The following ARL1 variants were observed in gnomAD, a reference collection of about 807,000 sequenced individuals.
ARL1 encodes ADP-ribosylation factor-like protein 1.
Under a neutral mutation model 30.1 loss-of-function variants are expected in ARL1, and 17 were observed. That is an observed-to-expected ratio of 0.56 (90% CI 0.39 to 0.85). The LOEUF is 0.85. Among genes scored for constraint, ARL1 ranks in the 40% least tolerant of loss-of-function variants. ARL1 has a pLI of 0.00. For synonymous variants in ARL1, 58 were observed against 71.7 expected, an observed-to-expected ratio of 0.81 and a Z score of 0.97; for missense variants, 102 against 212.6, an observed-to-expected ratio of 0.48 and a Z score of 3.24.
Position 101,407,749 on chromosome 12 carries a change from C to T in ARL1, c.-104G>A. ...AAGCCCAGTCAGCCAGCAACTTCCA[C>T]GTCGGACTCCAGGCGGGGGCGGGAG... On this transcript the variant is annotated 5_prime_UTR_variant, in exon 1 of 6. In the 5' UTR this introduces an upstream ATG that the reference lacks. Coordinates refer to ENST00000261636, the MANE Select transcript of ARL1 (RefSeq NM_001177.6). 6.5e-7 allele frequency: 1 copy of T among 1,540,226 alleles called. No homozygotes were observed. Among genetic ancestry groups the T allele is most frequent in the South Asian group, 1.1e-5 (1 of 89,634 alleles).
intron 2 of ARL1, among the ~76,000 whole-genome samples, chr12:101,405,050 T>C (rs1871401992): frequency 6.6e-6 from 1 of 152,164 alleles, no homozygotes; most frequent in Non-Finnish European, 1.5e-5. Flanking sequence ...TTTGTATTTT[T>C]AGTAGAGATG....
rs73378800 is a variant in ARL1 at position 101,400,762 on chromosome 12, T to C, written c.336+300A>G. Among the ~76,000 whole-genome samples, 496 of 152,302 alleles carry C rather than the reference T, an allele frequency of 3.3e-3. 5 individuals carry two copies. The highest frequency in any genetic ancestry group is 0.012 in the African/African-American group (483 of 41,574). Reference sequence around the variant, plus strand: ...TAAAACAGCTAAAAATAAAAAGACATATTTTAAAAGTCACATCAAAGAAGT... The same window carrying C: ...TAAAACAGCTAAAAATAAAAAGACACATTTTAAAAGTCACATCAAAGAAGT... On this transcript the variant is annotated intron_variant, in intron 4 of 5. Coordinates refer to ENST00000261636, the MANE Select transcript of ARL1 (RefSeq NM_001177.6).
Position 101,405,945 on chromosome 12 carries a change from CCAAA to C in ARL1, c.37_40del (p.Phe13GlufsTer5). 1 of 1,570,284 alleles carries C rather than the reference CCAAA, an allele frequency of 6.4e-7. No homozygotes were observed. Among genetic ancestry groups the C allele is most frequent in the Non-Finnish European group, 8.6e-7 (1 of 1,156,424 alleles). ...AATTAAAATTCTCATTTCCCGAGTTCCAAACAGACTGGAAAATATACTTGAGAAA... is the reference window on the plus strand; with the variant it reads ...AATTAAAATTCTCATTTCCCGAGTTCCAGACTGGAAAATATACTTGAGAAA... On this transcript the variant is annotated frameshift_variant, in exon 2 of 6. Coordinates refer to ENST00000261636, the MANE Select transcript of ARL1 (RefSeq NM_001177.6). LOFTEE classifies it high-confidence loss of function.
At chr12:101,396,814 A>G (rs1013184981) in intron 4 of ARL1, among the ~76,000 whole-genome samples, 1 of 152,174 alleles carries the variant, frequency 6.6e-6, no homozygotes, top group Non-Finnish European at 1.5e-5. Flanking sequence ...TGTTTTGCAG[A>G]TACTTCAGAG....
In ARL1 at chr12:101,405,955, T is replaced by C; in HGVS notation, c.31A>G (p.Ser11Gly). The change falls in exon 2 of 6, where the codon AGT (serine) becomes GGT (glycine). Residue 11 changes from serine (S) to glycine (G), a missense_variant. Ser to Gly is a moderately conservative substitution (Grantham distance 56). Transcript: ENST00000261636. MGGFFSSIFSSLFGTREMRIL... is the reference protein window; with the variant it reads MGGFFSSIFSGLFGTREMRIL... ...CTCATTTCCCGAGTTCCAAACAGAC[T>C]GGAAAATATACTTGAGAAAAAGCCA... 1 of 1,566,676 alleles carries C rather than the reference T, an allele frequency of 6.4e-7. No individual in the cohort carries two copies. The highest frequency in any genetic ancestry group is 8.7e-7 in the Non-Finnish European group (1 of 1,155,674).
At chr12:101,404,027 A>C (rs573400193) in intron 2 of ARL1, among the ~76,000 whole-genome samples, 67 of 152,332 alleles carry the variant, frequency 4.4e-4, no homozygotes, top group African/African-American at 1.5e-3. Flanking sequence ...TTTATATTTA[A>C]GTCTGCAGTG....
At chr12:101,399,015 A>G (rs999540665) in intron 4 of ARL1, among the ~76,000 whole-genome samples, 1 of 152,130 alleles carries the variant, frequency 6.6e-6, no homozygotes, top group African/African-American at 2.4e-5. Context: ...ACCTAAATAA[A>G]ACTGTTCTTT....
At chr12:101,401,249 G>A in intron 3 of ARL1, 76 bp from the exon 4 acceptor site, 1 of 923,544 alleles carries the variant, frequency 1.1e-6, no homozygotes, top group Non-Finnish European at 1.7e-6. Context: ...TGCCAATTCT[G>A]TCCCACACAT....
Position 101,407,726 on chromosome 12 carries a change from G to C in ARL1, c.-81C>G. ...CAGCTCCGAGGCGGTTTCCTCGCAA[G>C]CCCAGTCAGCCAGCAACTTCCACGT... is the stretch of plus-strand genomic sequence containing the variant. On this transcript the variant is annotated 5_prime_UTR_variant, in exon 1 of 6. Coordinates refer to ENST00000261636, the MANE Select transcript of ARL1 (RefSeq NM_001177.6). 1 of 1,598,164 alleles carries C rather than the reference G, an allele frequency of 6.3e-7. No homozygotes were observed. Among genetic ancestry groups the C allele is most frequent in the South Asian group, 1.1e-5 (1 of 90,730 alleles).
Position 101,393,473 on chromosome 12 carries a change from G to A in ARL1, c.*2167C>T, listed in dbSNP as rs1439775529. The A allele has an allele frequency of 1.3e-5, 2 of 152,122 alleles. No homozygotes were observed. The highest frequency in any genetic ancestry group is 4.8e-5 in the African/African-American group (2 of 41,408). 9.4% of individuals were successfully genotyped at this position (152,122 alleles called of 1,614,324 possible). A position where few individuals can be genotyped will look rare whatever the true frequency, so the allele number is the denominator to read the frequency against. The stretch of plus-strand genomic sequence containing the variant: ...CCTATGTTCTGATTTCAAGTTTGGT[G>A]TTTTACCCATTGCCAGGCCTCTCAT... On this transcript the variant is annotated 3_prime_UTR_variant, in exon 6 of 6. Coordinates refer to ENST00000261636, the MANE Select transcript of ARL1 (RefSeq NM_001177.6).
At chr12:101,401,925 T>C (rs1018710849) in intron 3 of ARL1, among the ~76,000 whole-genome samples, 1 of 151,970 alleles carries the variant, frequency 6.6e-6, no homozygotes, top group Admixed American at 6.6e-5. Context: ...GCTAAAATTA[T>C]AAATAAACTC....
Position 101,397,499 on chromosome 12 carries a change from T to C in ARL1, c.337-922A>G, listed in dbSNP as rs193289978. Among the ~76,000 whole-genome samples the C allele has an allele frequency of 3.5e-3, 528 of 151,906 alleles. 1 individual carries two copies. Among genetic ancestry groups the C allele is most frequent in the Middle Eastern group, 0.031 (9 of 294 alleles). ...GGGACAGAGGGAGACCCTGTCTCTT[T>C]TTTTTTTTTCTTTTTTTAAGACAGT... On this transcript the variant is annotated intron_variant, in intron 4 of 5. Transcript: ENST00000261636.
Position 101,394,563 on chromosome 12 carries a change from A to G in ARL1, c.*1077T>C, listed in dbSNP as rs1338828270. The G allele has an allele frequency of 6.6e-6, 1 of 152,190 alleles. No individual in the cohort carries two copies. Among genetic ancestry groups the G allele is most frequent in the African/African-American group, 2.4e-5 (1 of 41,444 alleles). 9.4% of individuals were successfully genotyped at this position (152,190 alleles called of 1,614,324 possible). A position where few individuals can be genotyped will look rare whatever the true frequency, so the allele number is the denominator to read the frequency against. ...TGATTTTTAACAAGTTTACATGTCC[A>G]ATTACATGTAGATAAAAGGAATGAA... On this transcript the variant is annotated 3_prime_UTR_variant, in exon 6 of 6. Coordinates refer to ENST00000261636, the MANE Select transcript of ARL1 (RefSeq NM_001177.6).
At chr12:101,403,266 A>C (rs1315652096) in intron 2 of ARL1, 1 of 431,982 alleles carries the variant, frequency 2.3e-6, no homozygotes, top group Non-Finnish European at 4.5e-6. Flanking sequence ...CTGCAAATAA[A>C]GTATATAATT....
intron 3 of ARL1, among the ~76,000 whole-genome samples, chr12:101,402,246 G>C (rs530268794): frequency 8.5e-5 from 13 of 152,182 alleles, no homozygotes; most frequent in African/African-American, 2.9e-4. Context: ...GCAGTTGCGC[G>C]ATCTCAGCTC....
At chr12:101,398,610 C>T (rs1031266792) in intron 4 of ARL1, among the ~76,000 whole-genome samples, 48 of 151,148 alleles carry the variant, frequency 3.2e-4, no homozygotes, top group African/African-American at 9.5e-4. Context: ...CTACTACACC[C>T]GGCTCATTTT....
At chr12:101,402,168 C>T (rs866774912) in intron 3 of ARL1, among the ~76,000 whole-genome samples, 69 of 152,134 alleles carry the variant, frequency 4.5e-4, no homozygotes, top group African/African-American at 1.6e-3. Context: ...CTTCAGAAGG[C>T]ATTTATTTTT....
chr12:101,394,651 T>C lies in ARL1; in HGVS notation c.*989A>G, dbSNP rs1480751113. ...TTTTAAACCTTCCTTTAATGTGAAA[T>C]TTTCTCTTTAATGTGTTATGAATTC... On this transcript the variant is annotated 3_prime_UTR_variant, in exon 6 of 6. Transcript: ENST00000261636. 1 of 152,190 alleles carries C rather than the reference T, an allele frequency of 6.6e-6. No individual in the cohort carries two copies. The highest frequency in any genetic ancestry group is 2.4e-5 in the African/African-American group (1 of 41,450). The allele number at this position is 152,190 out of a possible 1,614,324, so 9.4% of individuals were successfully genotyped here. A position where few individuals can be genotyped will look rare whatever the true frequency, so the allele number is the denominator to read the frequency against.
At chr12:101,401,826 C>T (rs1354775770) in intron 3 of ARL1, among the ~76,000 whole-genome samples, 1 of 151,834 alleles carries the variant, frequency 6.6e-6, no homozygotes, top group Non-Finnish European at 1.5e-5. Context: ...AAATCTTTAA[C>T]TAGGCACCCC....
Sources: gnomAD v4.1 joint callset for allele counts (sites outside exome capture counted in the v4.1 genomes callset) on GRCh38, gnomAD v4.1.1 for gene constraint, MANE v1.5 for transcripts, NCBI Gene and HGNC (gene_info 2026-07-23, HGNC 2026-07-21) for gene names.